AGAP1: variants seen among roughly 807,000 people sequenced by gnomAD.
AGAP1 encodes the protein ArfGAP with GTPase domain, ankyrin repeat and PH domain 1, also known as arf-GAP with GTPase, ANK repeat and PH domain-containing protein 1.
Under a neutral mutation model 105.3 loss-of-function variants are expected in AGAP1, and 29 were observed. The observed-to-expected ratio is 0.28, with a 90% CI of 0.21 to 0.38. AGAP1 has a LOEUF of 0.38. Ranked by LOEUF, AGAP1 falls within the 10% of genes least tolerant of loss-of-function variation. The pLI, the probability that AGAP1 is intolerant of heterozygous loss-of-function variation, is 1.00. For synonymous variants in AGAP1, 509 were observed against 485.9 expected, an observed-to-expected ratio of 1.05 and a Z score of -0.63; for missense variants, 998 against 1,165.1, an observed-to-expected ratio of 0.86 and a Z score of 2.09.
At chr2:236,088,677 T>G (rs1034393495) in intron 16 of AGAP1, among the ~76,000 whole-genome samples, 9 of 152,236 alleles carry the variant, frequency 5.9e-5, no homozygotes, top group Non-Finnish European at 1.3e-4. Context: ...ACTTTAATTT[T>G]TGTAAACTAA....
In AGAP1 at chr2:235,967,804, T is replaced by G. The variant is rs1442704692; in HGVS notation, c.1484-658T>G. Among the ~76,000 whole-genome samples, 2 of 152,220 alleles carry G rather than the reference T, an allele frequency of 1.3e-5. No individual in the cohort carries two copies. The highest frequency in any genetic ancestry group is 3.8e-4 in the East Asian group (2 of 5,196). Reference sequence around the variant, plus strand: ...GGACATAATACATTGAGAGTTTCACTTATAGTGAATAATCACGTGTGCACT... The same window carrying G: ...GGACATAATACATTGAGAGTTTCACGTATAGTGAATAATCACGTGTGCACT... On this transcript the variant is annotated intron_variant, in intron 12 of 17. Transcript: ENST00000304032. This position sits in a 1 kb window ranked among gnomAD's most constrained non-coding sequence, Gnocchi z 4.7.
chr2:235,836,746 G>A (rs77922042), intron 9 of AGAP1, among the ~76,000 whole-genome samples: 3,501 of 152,268 alleles, frequency 0.023, 122 homozygotes, highest in African/African-American at 0.08. Flanking sequence ...GGGAGAAGAT[G>A]GAGACAGCCC....
chr2:235,828,833 C>T (rs1959178009), intron 9 of AGAP1, among the ~76,000 whole-genome samples: 1 of 152,228 alleles, frequency 6.6e-6, no homozygotes, highest in Non-Finnish European at 1.5e-5. Context: ...TGTCATTTTG[C>T]ATGACTCACA....
chr2:235,564,415 C>T (rs1252799413), intron 1 of AGAP1, among the ~76,000 whole-genome samples: 1 of 152,214 alleles, frequency 6.6e-6, no homozygotes, highest in African/African-American at 2.4e-5. Flanking sequence ...ATTTTAGTTG[C>T]TCAGGCCAAA....
chr2:236,019,006 C>A (rs1344816303), intron 13 of AGAP1, among the ~76,000 whole-genome samples: 1 of 152,230 alleles, frequency 6.6e-6, no homozygotes, highest in Non-Finnish European at 1.5e-5. Flanking sequence ...CCGCACCTGC[C>A]TTCTCCACTG....
intron 2 of AGAP1, among the ~76,000 whole-genome samples, chr2:235,717,041 T>C (rs946230404): frequency 2.0e-5 from 3 of 152,072 alleles, no homozygotes; most frequent in Admixed American, 6.5e-5. Context: ...GCCCCTGCCT[T>C]GCTCCTCCAC....
At position 235,724,579 on chromosome 2, in the gene AGAP1, G is replaced by A. The variant is rs373208889; in HGVS notation, c.310+6935G>A. Among the ~76,000 whole-genome samples the A allele has an allele frequency of 6.6e-6, 1 of 152,158 alleles. No individual in the cohort carries two copies. The highest frequency in any genetic ancestry group is 1.9e-4 in the East Asian group (1 of 5,182). On this transcript the variant is annotated intron_variant, in intron 3 of 17. Transcript: ENST00000304032. This position sits in a 1 kb window ranked among gnomAD's most constrained non-coding sequence, Gnocchi z 4.9. Reference sequence around the variant, plus strand: ...CCTCCCAGATGGAAAAGGTACCTGCGGTGGTGGGGGGAGGGGGAGTTCCCT... The same window carrying A: ...CCTCCCAGATGGAAAAGGTACCTGCAGTGGTGGGGGGAGGGGGAGTTCCCT...
At chr2:235,775,728 G>A (rs376041868) in intron 6 of AGAP1, 3 of 152,176 alleles carry the variant, frequency 2.0e-5, no homozygotes, top group East Asian at 3.8e-4. Context: ...TGCGGGGATG[G>A]AAGAGCCTTT....
rs547283302 is a variant in AGAP1, at chr2:235,846,710, C to T, written c.1051-36635C>T. Among the ~76,000 whole-genome samples, 8 of 152,292 alleles carry T rather than the reference C, an allele frequency of 5.3e-5. No homozygotes were observed. The South Asian group carries it at 1.7e-3, about 32-fold the overall frequency. On this transcript the variant is annotated intron_variant, in intron 9 of 17. Transcript: ENST00000304032. ...GGAGTGCAGTGGCATAATCACAGCT[C>T]ACTGCAGCCTCTAACTCCTGGGCTC...
In AGAP1 at chr2:235,633,997, C is replaced by T. The variant is rs1034313071; in HGVS notation, c.164-75182C>T. Reference sequence around the variant, plus strand: ...CCGAGCCCCAGCAAGCCCCTCCCTGCAAAGTTGCAGCCCCCAGCAAGCCCC... The same window carrying T: ...CCGAGCCCCAGCAAGCCCCTCCCTGTAAAGTTGCAGCCCCCAGCAAGCCCC... On this transcript the variant is annotated intron_variant, in intron 1 of 17. Coordinates refer to ENST00000304032, the MANE Select transcript of AGAP1 (RefSeq NM_001037131.3). This position sits in a 1 kb window ranked among gnomAD's most constrained non-coding sequence, Gnocchi z 4.8. 2.6e-5 allele frequency among the ~76,000 whole-genome samples: 4 copies of T among 152,202 alleles called. No individual in the cohort carries two copies. The highest frequency in any genetic ancestry group is 2.6e-4 in the Admixed American group (4 of 15,292).
chr2:235,783,339 T>C lies in AGAP1; in HGVS notation c.674-14420T>C, dbSNP rs760451103. ...CTCAGGTCAAATAAATTTAGATGTATGCTTAATGTTCTAAAAGCTCTTTGT... is the reference window on the plus strand; with the variant it reads ...CTCAGGTCAAATAAATTTAGATGTACGCTTAATGTTCTAAAAGCTCTTTGT... On this transcript the variant is annotated intron_variant, in intron 6 of 17. Transcript: ENST00000304032. The C allele has an allele frequency of 8.5e-6, 4 of 471,238 alleles. No individual in the cohort carries two copies. In the East Asian group the frequency reaches 2.8e-4, roughly 33 times the overall value. 29.2% of individuals were successfully genotyped at this position (471,238 alleles called of 1,614,324 possible).
At chr2:235,743,433 A>C (rs946286617) in intron 4 of AGAP1, among the ~76,000 whole-genome samples, 1 of 152,076 alleles carries the variant, frequency 6.6e-6, no homozygotes, top group Non-Finnish European at 1.5e-5. Flanking sequence ...TAGAAGAGAC[A>C]GGAAGAGCCT....
chr2:235,687,130 C>G (rs554517619), intron 1 of AGAP1, among the ~76,000 whole-genome samples: 1 of 152,126 alleles, frequency 6.6e-6, no homozygotes, highest in Admixed American at 6.5e-5. Flanking sequence ...TCAGTTTCCT[C>G]GTATGTCCAA....
intron 8 of AGAP1, among the ~76,000 whole-genome samples, chr2:235,805,301 A>G (rs1450757554): frequency 1.3e-5 from 2 of 152,126 alleles, no homozygotes; most frequent in Non-Finnish European, 2.9e-5. Flanking sequence ...TTCATGTTCT[A>G]AGGTGTTTAC....
chr2:235,537,429 G>A (rs916111871), intron 1 of AGAP1, among the ~76,000 whole-genome samples: 8 of 152,190 alleles, frequency 5.3e-5, no homozygotes, highest in Admixed American at 3.9e-4. Context: ...GCCAGGTGGT[G>A]TGGGGCCTCA....
chr2:235,761,600 A>C (rs1239936165), intron 6 of AGAP1, among the ~76,000 whole-genome samples: 1 of 152,170 alleles, frequency 6.6e-6, no homozygotes, highest in Non-Finnish European at 1.5e-5. Context: ...TTTTGTTCAT[A>C]ATCTGTTCAT....
chr2:236,091,689 T>A (rs1332792801), intron 16 of AGAP1, among the ~76,000 whole-genome samples: 1 of 152,216 alleles, frequency 6.6e-6, no homozygotes, highest in Non-Finnish European at 1.5e-5. Flanking sequence ...GGAGGATGGC[T>A]TGAGCCTGGG....
At chr2:235,521,734 TTATATATATGTGTGTGTGTGTG>T (rs1461964530) in intron 1 of AGAP1, among the ~76,000 whole-genome samples, 3 of 25,582 alleles carry the variant, frequency 1.2e-4, no homozygotes, top group African/African-American at 5.1e-4. Context: ...TTTTTGTTTG[TTATATATATGTGTGTGTGTGTG>T]TGTGTGTGTG....
In AGAP1 at chr2:235,962,046, GGTTTTGTTTT is replaced by G. The variant is rs72183486; in HGVS notation, c.1484-6386_1484-6377del. Among the ~76,000 whole-genome samples, 8,305 of 150,598 alleles carry G rather than the reference GGTTTTGTTTT, an allele frequency of 0.055. 724 individuals carry two copies. Among genetic ancestry groups the G allele is most frequent in the African/African-American group, 0.19 (7,726 of 40,504 alleles). On this transcript the variant is annotated intron_variant, in intron 12 of 17. Coordinates refer to ENST00000304032, the MANE Select transcript of AGAP1 (RefSeq NM_001037131.3). The surrounding 1 kb of genome is among the most constrained non-coding windows in gnomAD (Gnocchi z 5.3). ...CTTCTGATGGATGCTTTTGGTTTTT[GGTTTTGTTTT>G]GTTTTGTTTTGTTTTGTTTTGTTTT...
Sources: gnomAD v4.1 joint callset for allele counts (sites outside exome capture counted in the v4.1 genomes callset) on GRCh38, gnomAD v4.1.1 for gene constraint, Gnocchi (gnomAD v3.1) non-coding constraint, MANE v1.5 for transcripts, NCBI Gene and HGNC (gene_info 2026-07-23, HGNC 2026-07-21) for gene names.